The following HEATR3 variants were observed in gnomAD, a reference collection of about 807,000 sequenced individuals.
The protein encoded by HEATR3 is HEAT repeat containing 3.
In HEATR3, 56 loss-of-function variants were observed where a neutral mutation model predicts 72.8. The observed-to-expected ratio is 0.77, with a 90% CI of 0.62 to 0.96. The LOEUF (loss-of-function observed/expected upper bound fraction) is 0.96, where lower values mean the gene tolerates loss of function less well. Among genes scored for constraint, HEATR3 ranks in the 40% least tolerant of loss-of-function variants. The pLI, the probability that HEATR3 is intolerant of heterozygous loss-of-function variation, is 0.00. For missense variants in HEATR3, 747 were observed against 831.4 expected, an observed-to-expected ratio of 0.90 and a Z score of 1.25; for synonymous variants, 331 against 318.1, an observed-to-expected ratio of 1.04 and a Z score of -0.43.
At chr16:50,091,470 A>G (rs2037109161) in intron 11 of HEATR3, among the ~76,000 whole-genome samples, 1 of 151,986 alleles carries the variant, frequency 6.6e-6, no homozygotes, top group Non-Finnish European at 1.5e-5. Flanking sequence ...CCGTCTAAAA[A>G]ACATAATAAT....
intron 6 of HEATR3, among the ~76,000 whole-genome samples, chr16:50,075,974 A>T (rs541415275): frequency 6.6e-6 from 1 of 151,994 alleles, no homozygotes; most frequent in East Asian, 1.9e-4. Flanking sequence ...CCACTTATTT[A>T]TGAACCAGTG....
At chr16:50,082,986 T>C (rs1449525436) in intron 7 of HEATR3, among the ~76,000 whole-genome samples, 1 of 152,046 alleles carries the variant, frequency 6.6e-6, no homozygotes, top group Admixed American at 6.6e-5. Context: ...ATTAAAAAAA[T>C]TAGCCAGGCA....
chr16:50,069,562 T>C (rs2036567110), intron 3 of HEATR3, among the ~76,000 whole-genome samples: 1 of 152,284 alleles, frequency 6.6e-6, no homozygotes, highest in South Asian at 2.1e-4. Context: ...GCCACTGGCA[T>C]CCAGTGGGTA....
chr16:50,072,664 T>TA lies in HEATR3; in HGVS notation c.575dup (p.Tyr193ValfsTer4), dbSNP rs765215174. On this transcript the variant is annotated frameshift_variant, in exon 5 of 15. Transcript: ENST00000299192. LOFTEE classifies it high-confidence loss of function. ...AAAGAAGGGTGTTTGGAGATTGTGTTAAAGTATTTAAGTAGGTTTCCTACC... is the reference window on the plus strand; with the variant it reads ...AAAGAAGGGTGTTTGGAGATTGTGTTAAAAGTATTTAAGTAGGTTTCCTACC... The TA allele has an allele frequency of 1.9e-6, 3 of 1,609,552 alleles. No homozygotes were observed. Among genetic ancestry groups the TA allele is most frequent in the African/African-American group, 1.3e-5 (1 of 74,976 alleles).
chr16:50,090,149 G>A (rs2037076902), intron 11 of HEATR3, among the ~76,000 whole-genome samples: 2 of 152,058 alleles, frequency 1.3e-5, no homozygotes, highest in South Asian at 4.2e-4. Flanking sequence ...GAGCCCAAGA[G>A]TTTAAGACCA....
At chr16:50,078,703 A>G in intron 6 of HEATR3, 38 bp from the exon 7 acceptor site, 1 of 1,565,090 alleles carries the variant, frequency 6.4e-7, no homozygotes, top group Non-Finnish European at 8.6e-7. Flanking sequence ...AAAATATTTC[A>G]CAGGCATTTC....
intron 11 of HEATR3, among the ~76,000 whole-genome samples, chr16:50,087,208 C>A (rs2037007462): frequency 6.6e-6 from 1 of 152,070 alleles, no homozygotes; most frequent in Admixed American, 6.6e-5. Flanking sequence ...TGGTAGAATA[C>A]CATCCACACA....
At chr16:50,072,557 A>T (rs765091089) in intron 4 of HEATR3, 48 bp from the exon 5 acceptor site, 3 of 1,173,000 alleles carry the variant, frequency 2.6e-6, no homozygotes, top group African/African-American at 3.0e-5. Flanking sequence ...TTGATTTCCT[A>T]CTGTTAAAAT....
intron 6 of HEATR3, 39 bp downstream of exon 6, chr16:50,075,750 A>G (rs773109969): frequency 5.1e-6 from 8 of 1,579,642 alleles, no homozygotes; most frequent in Non-Finnish European, 6.9e-6. Context: ...TTGTTTCAGT[A>G]GCTTTTGGTA....
chr16:50,101,106 C>CTTTTT (rs5816674), intron 13 of HEATR3, among the ~76,000 whole-genome samples: 17 of 144,356 alleles, frequency 1.2e-4, no homozygotes, highest in Non-Finnish European at 1.5e-4. Context: ...ACTTGCAAAG[C>CTTTTT]TTTTTTTTTT....
In HEATR3 at chr16:50,106,957, C is replaced by T. The variant is rs561500899; in HGVS notation, c.*1896C>T. 1.7e-3 allele frequency among the ~76,000 whole-genome samples: 254 copies of T among 152,206 alleles called. No homozygotes were observed. The highest frequency in any genetic ancestry group is 0.014 in the Middle Eastern group (4 of 294). On this transcript the variant is annotated 3_prime_UTR_variant, in exon 15 of 15. Coordinates refer to ENST00000299192, the MANE Select transcript of HEATR3 (RefSeq NM_182922.4). ...GAAATGTATACCATATACAACACCT[C>T]GCTTTATTATGGTCCTTGCTCATGA...
chr16:50,083,897 C>A (rs759026419), intron 7 of HEATR3, 40 bp from the exon 8 acceptor site: 1 of 1,538,862 alleles, frequency 6.5e-7, no homozygotes, highest in South Asian at 1.2e-5. Flanking sequence ...TTTTCCCAAC[C>A]ATTGAGAGTT....
chr16:50,080,635 A>G (rs1354886254), intron 7 of HEATR3, among the ~76,000 whole-genome samples: 1 of 152,052 alleles, frequency 6.6e-6, no homozygotes, highest in Admixed American at 6.5e-5. Context: ...CACTGCGCCC[A>G]GCCTAGATCT....
intron 11 of HEATR3, among the ~76,000 whole-genome samples, chr16:50,091,880 A>C (rs1453589655): frequency 6.6e-6 from 1 of 151,850 alleles, no homozygotes; most frequent in East Asian, 1.9e-4. Flanking sequence ...TCTCAAAAAA[A>C]AAAAAAAAAA....
intron 9 of HEATR3, 96 bp from the exon 10 acceptor site, chr16:50,084,473 C>A: frequency 8.8e-7 from 1 of 1,135,104 alleles, no homozygotes; most frequent in South Asian, 1.4e-5. Context: ...TGAAGCCTAA[C>A]CATTTCACTT....
At chr16:50,100,005 A>G (rs2037330500) in intron 12 of HEATR3, among the ~76,000 whole-genome samples, 1 of 152,174 alleles carries the variant, frequency 6.6e-6, no homozygotes, top group Admixed American at 6.6e-5. Context: ...CCCCTTTGAT[A>G]TTAGATAACA....
rs1285450169 is a variant in HEATR3 at position 50,105,453 on chromosome 16, C to A, written c.*392C>A. 5 of 143,042 alleles carry A rather than the reference C, an allele frequency of 3.5e-5. No homozygotes were observed. Among genetic ancestry groups the A allele is most frequent in the Non-Finnish European group, 6.0e-5 (4 of 66,432 alleles). 8.9% of individuals were successfully genotyped at this position (143,042 alleles called of 1,614,324 possible). A position where few individuals can be genotyped will look rare whatever the true frequency, so the allele number is the denominator to read the frequency against. On this transcript the variant is annotated 3_prime_UTR_variant, in exon 15 of 15. Transcript: ENST00000299192. ...CTCCAGCCTGGGTGACAGAGGGAGACCCTGTCTCCAAAAAAAAAAAAAAAA... is the reference window on the plus strand; with the variant it reads ...CTCCAGCCTGGGTGACAGAGGGAGAACCTGTCTCCAAAAAAAAAAAAAAAA...
chr16:50,087,905 T>A (rs935696697), intron 11 of HEATR3, among the ~76,000 whole-genome samples: 1 of 152,098 alleles, frequency 6.6e-6, no homozygotes, highest in African/African-American at 2.4e-5. Flanking sequence ...GGCGGGTGGA[T>A]CACCTGAGGT....
At chr16:50,084,052 A>G in intron 8 of HEATR3, 25 bp downstream of exon 8, 1 of 1,613,604 alleles carries the variant, frequency 6.2e-7, no homozygotes, top group Non-Finnish European at 8.5e-7. Flanking sequence ...ACATTTAGAC[A>G]TTTTCCCCCT....
Sources: allele counts gnomAD v4.1 joint callset (sites outside exome capture counted in the v4.1 genomes callset), GRCh38; gene constraint gnomAD v4.1.1; transcripts MANE v1.5; gene names NCBI Gene and HGNC (gene_info 2026-07-23, HGNC 2026-07-21).